TANK: variants seen among roughly 807,000 people sequenced by gnomAD.
TANK encodes TRAF family member-associated NF-kappa-B activator.
TANK carries 15 observed loss-of-function variants against 43.6 expected under a neutral mutation model. The observed-to-expected ratio is 0.34, with a 90% CI of 0.23 to 0.53. The LOEUF is 0.53. Among genes scored for constraint, TANK ranks in the 20% least tolerant of loss-of-function variants. TANK has a pLI of 0.94. For synonymous variants in TANK, 162 were observed against 178.2 expected (o/e 0.91, Z 0.73); for missense variants, 417 against 498.6 (o/e 0.84, Z 1.56).
At chr2:161,147,538 T>C (rs1462398299) in intron 1 of TANK, among the ~76,000 whole-genome samples, 1 of 152,200 alleles carries the variant, frequency 6.6e-6, no homozygotes, top group African/African-American at 2.4e-5. Flanking sequence ...ACTCACTCAC[T>C]GCCTCCCTTG....
chr2:161,194,086 G>T (rs971271403), intron 2 of TANK, among the ~76,000 whole-genome samples: 20 of 151,976 alleles, frequency 1.3e-4, no homozygotes, highest in African/African-American at 4.8e-4. Flanking sequence ...AATTTCTATT[G>T]CTTCTTTGAC....
At chr2:161,185,522 G>A (rs1203373746) in intron 2 of TANK, among the ~76,000 whole-genome samples, 4 of 151,044 alleles carry the variant, frequency 2.6e-5, no homozygotes, top group African/African-American at 9.7e-5. Flanking sequence ...GAAACAATGT[G>A]GAAGAATATA....
intron 1 of TANK, among the ~76,000 whole-genome samples, chr2:161,141,787 A>G (rs1238788446): frequency 5.9e-5 from 9 of 152,172 alleles, no homozygotes; most frequent in Non-Finnish European, 1.5e-5. Flanking sequence ...GCTGCACGAA[A>G]CATATGTGTG....
chr2:161,148,632 T>C (rs1250110571), intron 1 of TANK, among the ~76,000 whole-genome samples: 1 of 152,184 alleles, frequency 6.6e-6, no homozygotes, highest in Non-Finnish European at 1.5e-5. Context: ...TTTGTCTAAG[T>C]GTGCTATTAT....
intron 7 of TANK, among the ~76,000 whole-genome samples, chr2:161,233,267 G>C (rs2105178474): frequency 6.6e-6 from 1 of 152,178 alleles, no homozygotes; most frequent in Non-Finnish European, 1.5e-5. Context: ...GTGGTGGCTT[G>C]TGCCTGTGGC....
chr2:161,210,593 A>C (rs933072370), intron 4 of TANK, among the ~76,000 whole-genome samples: 8 of 151,846 alleles, frequency 5.3e-5, no homozygotes, highest in African/African-American at 1.7e-4. Context: ...GCCACTTGAG[A>C]GGCTGAAGCA....
chr2:161,198,647 T>A (rs1686265157), intron 2 of TANK, among the ~76,000 whole-genome samples: 1 of 152,262 alleles, frequency 6.6e-6, no homozygotes, highest in South Asian at 2.1e-4. Context: ...ATATTCTGTG[T>A]CTTTCAATCC....
chr2:161,201,251 C>A (rs1686399266), intron 2 of TANK: 1 of 962,206 alleles, frequency 1.0e-6, no homozygotes, highest in Admixed American at 6.2e-5. Context: ...AGCCATTGAT[C>A]CATTAATTTT....
At chr2:161,161,300 A>C in intron 1 of TANK, 1 of 1,550,628 alleles carries the variant, frequency 6.4e-7, no homozygotes, top group Non-Finnish European at 8.7e-7. Flanking sequence ...GCTTTTGACA[A>C]GTTATAATAA....
intron 2 of TANK, chr2:161,180,323 T>C (rs532424235): frequency 1.0e-5 from 2 of 194,338 alleles, no homozygotes; most frequent in South Asian, 1.8e-4. Flanking sequence ...TTAGTACTTT[T>C]AGTTTCAGAA....
chr2:161,170,498 G>A (rs1558971715), intron 1 of TANK, among the ~76,000 whole-genome samples: 2 of 152,112 alleles, frequency 1.3e-5, no homozygotes, highest in African/African-American at 4.8e-5. Context: ...GGGAAAAAAG[G>A]CAACTTTATG....
chr2:161,202,721 C>A, intron 2 of TANK: 1 of 252,726 alleles, frequency 4.0e-6, no homozygotes. Context: ...AAAGAGTTCT[C>A]TGCTATTGTT....
chr2:161,231,845 G>A (rs1005030759), intron 7 of TANK, among the ~76,000 whole-genome samples: 1 of 152,258 alleles, frequency 6.6e-6, no homozygotes, highest in African/African-American at 2.4e-5. Context: ...TTCAAAGCTT[G>A]TTTACTCAGG....
intron 1 of TANK, chr2:161,137,211 G>A (rs58125002): frequency 0.021 from 20,617 of 985,252 alleles, 1,081 homozygotes; most frequent in African/African-American, 0.18. Flanking sequence ...TGTAGTTAAC[G>A]TCATAGTTAG....
At chr2:161,205,512 A>G (rs2105348583) in intron 4 of TANK, among the ~76,000 whole-genome samples, 1 of 152,128 alleles carries the variant, frequency 6.6e-6, no homozygotes, top group Non-Finnish European at 1.5e-5. Flanking sequence ...AAAGAAAAAT[A>G]CACCCAACTA....
At chr2:161,233,998 T>C (rs1440031905) in intron 7 of TANK, among the ~76,000 whole-genome samples, 1 of 152,166 alleles carries the variant, frequency 6.6e-6, no homozygotes, top group Non-Finnish European at 1.5e-5. Flanking sequence ...ATTTTAAATA[T>C]TACTATTTTT....
intron 1 of TANK, among the ~76,000 whole-genome samples, chr2:161,145,133 CTTTTTTTTTTTTTTTTTTT>C (rs144526006): frequency 1.5e-4 from 5 of 32,826 alleles, no homozygotes; most frequent in Non-Finnish European, 2.6e-4. Flanking sequence ...GCAACCCCTG[CTTTTTTTTTTTTTTTTTTT>C]TTTTTTTTGC....
intron 2 of TANK, among the ~76,000 whole-genome samples, chr2:161,191,769 T>G (rs1475342368): frequency 2.6e-5 from 4 of 152,148 alleles, no homozygotes; most frequent in African/African-American, 9.7e-5. Context: ...TGACAATACC[T>G]TGTACTACCC....
chr2:161,227,794 G>A (rs1385205274), intron 6 of TANK, among the ~76,000 whole-genome samples: 1 of 152,170 alleles, frequency 6.6e-6, no homozygotes. Flanking sequence ...AGTAGCAAAT[G>A]TCATCTACAA....
Sources: allele counts gnomAD v4.1 joint callset (sites outside exome capture counted in the v4.1 genomes callset), GRCh38; gene constraint gnomAD v4.1.1; transcripts MANE v1.5; gene names NCBI Gene and HGNC (gene_info 2026-07-23, HGNC 2026-07-21).